The following SPATC1 variants were observed in gnomAD, a reference collection of about 807,000 sequenced individuals.
The protein encoded by SPATC1 is speriolin.
Under a neutral mutation model 36.5 loss-of-function variants are expected in SPATC1, and 35 were observed. The observed-to-expected ratio is 0.96, with a 90% CI of 0.73 to 1.27. The LOEUF is 1.27. Ranked by LOEUF, SPATC1 falls within the 50% of genes most tolerant of loss-of-function variation. The pLI is 0.00. For synonymous variants in SPATC1, 361 were observed against 353.6 expected, an observed-to-expected ratio of 1.02 and a Z score of -0.24; for missense variants, 779 against 796.0, an observed-to-expected ratio of 0.98 and a Z score of 0.26.
intron 1 of SPATC1, among the ~76,000 whole-genome samples, chr8:144,039,218 C>T (rs889947237): frequency 6.6e-6 from 1 of 152,182 alleles, no homozygotes; most frequent in Non-Finnish European, 1.5e-5. Flanking sequence ...GGCTTCTCCC[C>T]GAAACAGTGG....
intron 4 of SPATC1, among the ~76,000 whole-genome samples, chr8:144,043,534 C>T (rs976662411): frequency 6.6e-6 from 1 of 152,026 alleles, no homozygotes; most frequent in African/African-American, 2.4e-5. Flanking sequence ...CCTGCCTTGG[C>T]CTCGCCCAGC....
chr8:144,040,128 C>G lies in SPATC1; in HGVS notation c.431C>G (p.Pro144Arg). ...CCCCTCACCAGCTTCCTGACCAGTC[C>G]CATTGCGGGACCCCTAACAGGCACA... Reference protein sequence around the residue: ...SSPLTSFLTSPIAGPLTGTLA... With the variant: ...SSPLTSFLTSRIAGPLTGTLA... Residue 144 changes from proline (P) to arginine (R), a missense_variant, in exon 2 of 5, where the codon CCC becomes CGC. Transcript: ENST00000377470. The G allele has an allele frequency of 6.2e-7, 1 of 1,609,930 alleles. No individual in the cohort carries two copies. The highest frequency in any genetic ancestry group is 1.1e-5 in the South Asian group (1 of 90,870).
chr8:144,040,256 G>A lies in SPATC1; in HGVS notation c.559G>A (p.Val187Met), dbSNP rs1554755560. The A allele has an allele frequency of 6.2e-7, 1 of 1,612,790 alleles. No homozygotes were observed. The stretch of plus-strand genomic sequence containing the variant: ...CCAGAGCAGCCCCCTGATAGCCCCT[G>A]TGATGGGCACGGTGGCTGTCTCTCT... ...MSQSSPLIAP[V>M]MGTVAVSLSS... The change falls in exon 2 of 5, where the codon GTG becomes ATG. Residue 187 changes from valine (V) to methionine (M), a missense_variant. Transcript: ENST00000377470.
intron 1 of SPATC1, among the ~76,000 whole-genome samples, chr8:144,037,237 G>A (rs1386888233): frequency 2.7e-5 from 4 of 148,962 alleles, no homozygotes; most frequent in Non-Finnish European, 6.0e-5. Context: ...CGCCCGGGAG[G>A]TGAGGGGCGC....
chr8:144,027,512 C>T (rs970426957), intron 1 of SPATC1, among the ~76,000 whole-genome samples: 8 of 152,170 alleles, frequency 5.3e-5, no homozygotes, highest in African/African-American at 1.7e-4. Context: ...AGCTCAGAAT[C>T]CACTGCCAAA....
chr8:144,014,439 GA>G (rs1269236728), intron 1 of SPATC1, among the ~76,000 whole-genome samples: 1 of 149,896 alleles, frequency 6.7e-6, no homozygotes, highest in Non-Finnish European at 1.5e-5. Context: ...AAAGAAGGAA[GA>G]AGAAGAAGAA....
chr8:144,015,053 T>C (rs887641241), intron 1 of SPATC1, among the ~76,000 whole-genome samples: 15 of 152,112 alleles, frequency 9.9e-5, no homozygotes, highest in Admixed American at 2.6e-4. Context: ...TTTTTTTTTT[T>C]TTGAGAGACA....
chr8:144,019,576 A>C (rs898365236), intron 1 of SPATC1, among the ~76,000 whole-genome samples: 1 of 152,080 alleles, frequency 6.6e-6, no homozygotes, highest in Non-Finnish European at 1.5e-5. Context: ...CCTGCTCCTG[A>C]GGGCTCAGGG....
At chr8:144,014,892 G>A (rs114870692) in intron 1 of SPATC1, among the ~76,000 whole-genome samples, 6,857 of 152,310 alleles carry the variant, frequency 0.045, 452 homozygotes, top group African/African-American at 0.12. Context: ...AGTATGGAGC[G>A]TGTGGTGTGG....
chr8:144,040,120 G>T lies in SPATC1; in HGVS notation c.423G>T (p.Leu141=). The change falls in exon 2 of 5, where the codon CTG becomes CTT. Residue 141 remains leucine (L), a synonymous_variant. Coordinates refer to ENST00000377470, the MANE Select transcript of SPATC1 (RefSeq NM_198572.3). ...AGAGCAGCCCCCTCACCAGCTTCCT[G>T]ACCAGTCCCATTGCGGGACCCCTAA... ...TSQSSPLTSF[L]TSPIAGPLTG... The T allele has an allele frequency of 6.2e-7, 1 of 1,610,330 alleles. No individual in the cohort carries two copies. Among genetic ancestry groups the T allele is most frequent in the Admixed American group, 1.7e-5 (1 of 59,750 alleles).
intron 4 of SPATC1, 96 bp downstream of exon 4, chr8:144,041,467 C>A: frequency 6.8e-7 from 1 of 1,474,994 alleles, no homozygotes; most frequent in Non-Finnish European, 9.1e-7. Context: ...TTGCCAGGAC[C>A]TGAGGAGTCC....
At position 144,047,060 on chromosome 8, in the gene SPATC1, G is replaced by A. The variant is rs573475184; in HGVS notation, c.*104G>A. ...CGCTGGGCCTGTGCCAGCGCTCCTG[G>A]GTGGTGCTGCCTCCTCTGGGGTGGC... On this transcript the variant is annotated 3_prime_UTR_variant, in exon 5 of 5. Transcript: ENST00000377470. The surrounding 1 kb of genome is among the most constrained non-coding windows in gnomAD (Gnocchi z 4.1). 1,755 of 1,393,214 alleles carry A rather than the reference G, an allele frequency of 1.3e-3. 2 individuals are homozygous for A. The highest frequency in any genetic ancestry group is 1.6e-3 in the Non-Finnish European group (1,628 of 1,039,778). 86.3% of individuals were successfully genotyped at this position (1,393,214 alleles called of 1,614,324 possible). A position where few individuals can be genotyped will look rare whatever the true frequency, so the allele number is the denominator to read the frequency against.
At chr8:144,044,471 T>TTG (rs1835205134) in intron 4 of SPATC1, among the ~76,000 whole-genome samples, 2 of 150,656 alleles carry the variant, frequency 1.3e-5, no homozygotes, top group African/African-American at 4.9e-5. Flanking sequence ...CCAGCTAATT[T>TTG]TTTTTTTTTT....
intron 1 of SPATC1, among the ~76,000 whole-genome samples, chr8:144,027,340 A>G (rs1232896348): frequency 1.3e-5 from 2 of 152,136 alleles, no homozygotes; most frequent in Non-Finnish European, 2.9e-5. Flanking sequence ...TATACACTGG[A>G]TATAGTCCCT....
intron 1 of SPATC1, among the ~76,000 whole-genome samples, chr8:144,030,515 C>T (rs993140384): frequency 1.9e-4 from 29 of 152,266 alleles, no homozygotes; most frequent in East Asian, 7.7e-4. Context: ...TCAGCCACCA[C>T]GCCTGGCTAA....
upstream of SPATC1, among the ~76,000 whole-genome samples, chr8:144,011,741 A>T (rs1358498356): frequency 6.6e-6 from 1 of 152,240 alleles, no homozygotes; most frequent in South Asian, 2.1e-4. This position sits in a 1 kb window ranked among gnomAD's most constrained non-coding sequence, Gnocchi z 4.5. Flanking sequence ...GGGAATAGAG[A>T]TCCAAGTGCG....
At chr8:144,020,425 C>T (rs1439617450) in intron 1 of SPATC1, among the ~76,000 whole-genome samples, 2 of 150,224 alleles carry the variant, frequency 1.3e-5, no homozygotes. Flanking sequence ...GCCCTCTCCC[C>T]TCAGAACGCT....
chr8:144,012,242 C>T (rs1213214501), upstream of SPATC1, among the ~76,000 whole-genome samples: 1 of 152,212 alleles, frequency 6.6e-6, no homozygotes, highest in Non-Finnish European at 1.5e-5. Context: ...GAAGAGGCAC[C>T]ATGAGGGTGA....
At chr8:144,012,816 A>G in intron 1 of SPATC1, 90 bp downstream of exon 1, 2 of 1,365,020 alleles carry the variant, frequency 1.5e-6, no homozygotes, top group South Asian at 2.5e-5. Flanking sequence ...TCAGGAGGTC[A>G]TGGAGGGAGT....
Sources: allele counts gnomAD v4.1 joint callset (sites outside exome capture counted in the v4.1 genomes callset), GRCh38; gene constraint gnomAD v4.1.1; non-coding constraint Gnocchi (gnomAD v3.1); transcripts MANE v1.5; gene names NCBI Gene and HGNC (gene_info 2026-07-23, HGNC 2026-07-21).